PPP6R3: variants seen among roughly 807,000 people sequenced by gnomAD.
The protein encoded by PPP6R3 is serine/threonine-protein phosphatase 6 regulatory subunit 3.
A neutral mutation model predicts 110.7 loss-of-function variants in PPP6R3; 38 were observed. The observed-to-expected ratio is 0.34, with a 90% CI of 0.26 to 0.45. The LOEUF (loss-of-function observed/expected upper bound fraction) is 0.45. Ranked by LOEUF, PPP6R3 falls within the 20% of genes least tolerant of loss-of-function variation. PPP6R3 has a pLI of 1.00. For missense variants in PPP6R3, 870 were observed against 1,062.4 expected (o/e 0.82, Z 2.52); for synonymous variants, 369 against 373.5 (o/e 0.99, Z 0.14).
intron 6 of PPP6R3, among the ~76,000 whole-genome samples, chr11:68,552,961 C>T (rs1360788988): frequency 6.6e-6 from 1 of 152,200 alleles, no homozygotes; most frequent in Non-Finnish European, 1.5e-5. Flanking sequence ...TTGGACAGTC[C>T]TGTTGACACT....
chr11:68,606,576 A>C, intron 22 of PPP6R3, among the ~76,000 whole-genome samples: 1 of 149,858 alleles, frequency 6.7e-6, no homozygotes, highest in Non-Finnish European at 1.5e-5. Flanking sequence ...TCCACCTCCC[A>C]AAGTGCTGGG....
chr11:68,501,093 C>A (rs2153479749), intron 1 of PPP6R3, among the ~76,000 whole-genome samples: 1 of 152,246 alleles, frequency 6.6e-6, no homozygotes, highest in South Asian at 2.1e-4. Flanking sequence ...TGTTTATTGT[C>A]TACTTGTTTT....
chr11:68,569,751 A>G lies in PPP6R3; in HGVS notation c.1132A>G (p.Met378Val). 3 of 1,572,978 alleles carry G rather than the reference A, an allele frequency of 1.9e-6. No homozygotes were observed. Among genetic ancestry groups the G allele is most frequent in the East Asian group, 2.3e-5 (1 of 43,940 alleles). The change falls in exon 11 of 24, where the codon ATG becomes GTG. Residue 378 changes from methionine to valine, a missense_variant. Met to Val is a conservative substitution (Grantham distance 21). Coordinates refer to ENST00000393800, the MANE Select transcript of PPP6R3 (RefSeq NM_001164161.2). ...ELNSIGVILN[M>V]FFKYTWNNFL... ...ACATGGTTTTTCTTTTTTGTAGAAC[A>G]TGTTCTTCAAGTATACATGGAATAA...
chr11:68,554,522 A>G (rs2099392219), intron 7 of PPP6R3, among the ~76,000 whole-genome samples: 1 of 152,236 alleles, frequency 6.6e-6, no homozygotes. Context: ...AAGATGTGGT[A>G]GTCATTTAGA....
chr11:68,498,646 T>C (rs769700896), intron 1 of PPP6R3, among the ~76,000 whole-genome samples: 4 of 152,234 alleles, frequency 2.6e-5, no homozygotes, highest in Non-Finnish European at 5.9e-5. Flanking sequence ...TTTGTAAAAT[T>C]ACTGAAGTCA....
Position 68,583,079 on chromosome 11 carries a change from GA to G in PPP6R3, c.1585del (p.Ile529LeufsTer26). ...TCHIHSSSDD[E>X]IDFKETGFSQ... is the part of the protein sequence containing the mutation. ...CCATATTCATTCATCCAGTGATGAT[GA>G]AATTGACTTTAAAGAAACGGGTTTC... On this transcript the variant is annotated frameshift_variant, in exon 15 of 24. Transcript: ENST00000393800. LOFTEE classifies it high-confidence loss of function. 1 of 1,547,358 alleles carries G rather than the reference GA, an allele frequency of 6.5e-7. No individual in the cohort carries two copies. Among genetic ancestry groups the G allele is most frequent in the Non-Finnish European group, 8.7e-7 (1 of 1,143,870 alleles).
At chr11:68,574,765 A>G (rs2099523945) in intron 13 of PPP6R3, among the ~76,000 whole-genome samples, 2 of 152,226 alleles carry the variant, frequency 1.3e-5, no homozygotes, top group African/African-American at 4.8e-5. Context: ...GGAAGAAACT[A>G]TATGGATGCT....
chr11:68,606,270 T>G (rs1939739333), intron 22 of PPP6R3, among the ~76,000 whole-genome samples: 1 of 152,022 alleles, frequency 6.6e-6, no homozygotes, highest in Non-Finnish European at 1.5e-5. Flanking sequence ...AGTGAATTTA[T>G]TTTTCTTCTT....
At chr11:68,473,601 C>T (rs933865719) in intron 1 of PPP6R3, among the ~76,000 whole-genome samples, 1 of 152,166 alleles carries the variant, frequency 6.6e-6, no homozygotes, top group African/African-American at 2.4e-5. Flanking sequence ...TGATTGGCGT[C>T]AGAAGTCGAG....
At chr11:68,612,889 C>A in intron 23 of PPP6R3, 177 bp from the exon 24 acceptor site, 1 of 1,282,090 alleles carries the variant, frequency 7.8e-7, no homozygotes, top group Non-Finnish European at 1.0e-6. Context: ...GATGCACTCA[C>A]TCAGATTTTT....
At chr11:68,533,788 C>A (rs913195937) in intron 2 of PPP6R3, among the ~76,000 whole-genome samples, 1 of 148,608 alleles carries the variant, frequency 6.7e-6, no homozygotes, top group Non-Finnish European at 1.5e-5. Flanking sequence ...GTGTTTAAAT[C>A]TCAAGTTTAA....
intron 2 of PPP6R3, among the ~76,000 whole-genome samples, chr11:68,528,992 G>A (rs1352029182): frequency 6.6e-6 from 1 of 152,202 alleles, no homozygotes; most frequent in Non-Finnish European, 1.5e-5. Flanking sequence ...CTCGGCCAGA[G>A]GTTCGGTGTA....
chr11:68,523,795 A>G (rs1284202117), intron 2 of PPP6R3, among the ~76,000 whole-genome samples: 1 of 133,428 alleles, frequency 7.5e-6, no homozygotes, highest in Non-Finnish European at 1.5e-5. Flanking sequence ...TTATTTGAAT[A>G]TTGGACTTCC....
chr11:68,510,834 G>C lies in PPP6R3; in HGVS notation c.-157-8667G>C, dbSNP rs886779109. On this transcript the variant is annotated intron_variant, in intron 1 of 23. Coordinates refer to ENST00000393800, the MANE Select transcript of PPP6R3 (RefSeq NM_001164161.2). Reference sequence around the variant, plus strand: ...ATTTACCTCCATATGTCTGAAGACTGTATTTGAAGGGTTCATACTTGTGTG... The same window carrying C: ...ATTTACCTCCATATGTCTGAAGACTCTATTTGAAGGGTTCATACTTGTGTG... Among the ~76,000 whole-genome samples the C allele has an allele frequency of 3.3e-5, 5 of 152,200 alleles. No individual in the cohort carries two copies. In the East Asian group the frequency reaches 9.7e-4, roughly 29 times the overall value.
intron 8 of PPP6R3, 59 bp downstream of exon 8, chr11:68,558,738 G>A: frequency 7.5e-7 from 1 of 1,334,300 alleles, no homozygotes; most frequent in Non-Finnish European, 1.1e-6. Context: ...AGATTTAAGA[G>A]TTAAATTCTT....
Position 68,613,075 on chromosome 11 carries a change from A to G in PPP6R3, c.2580A>G (p.Gln860=), listed in dbSNP as rs778455095. 4 of 1,614,120 alleles carry G rather than the reference A, an allele frequency of 2.5e-6. No homozygotes were observed. Among genetic ancestry groups the G allele is most frequent in the East Asian group, 2.2e-5 (1 of 44,876 alleles). ...GTCTGTTGCTCCTTAGGACTGGCCA[A>G]CCAAGCGCACCAGGTGACACTTCAG... is the stretch of plus-strand genomic sequence containing the variant. ...PSSSPEQRTG[Q]PSAPGDTSVN... The change falls in exon 24 of 24, where the codon CAA becomes CAG. Residue 860 remains glutamine, a synonymous_variant. Coordinates refer to ENST00000393800, the MANE Select transcript of PPP6R3 (RefSeq NM_001164161.2).
intron 1 of PPP6R3, among the ~76,000 whole-genome samples, chr11:68,472,948 T>A (rs1446281503): frequency 6.6e-6 from 1 of 152,244 alleles, no homozygotes; most frequent in Non-Finnish European, 1.5e-5. Flanking sequence ...TGCTGAATAG[T>A]GTTCAATTGT....
At position 68,571,040 on chromosome 11, in the gene PPP6R3, C is replaced by CT; in HGVS notation, c.1283dup (p.Gln429ProfsTer11). On this transcript the variant is annotated frameshift_variant and splice_region_variant, in exon 12 of 24. Transcript: ENST00000393800. LOFTEE classifies it high-confidence loss of function. ...GGAATATTCTTTTTTTTTTTTTCAGCTTTTCCAAAAATGTCAATTAATAGA... is the reference window on the plus strand; with the variant it reads ...GGAATATTCTTTTTTTTTTTTTCAGCTTTTTCCAAAAATGTCAATTAATAGA... 6.4e-7 allele frequency: 1 copy of CT among 1,559,404 alleles called. No individual in the cohort carries two copies. Among genetic ancestry groups the CT allele is most frequent in the Non-Finnish European group, 8.6e-7 (1 of 1,160,820 alleles).
chr11:68,540,560 G>A (rs1414774199), intron 3 of PPP6R3, among the ~76,000 whole-genome samples: 1 of 152,232 alleles, frequency 6.6e-6, no homozygotes, highest in Middle Eastern at 3.4e-3. Flanking sequence ...CAGGAGACAG[G>A]GTTTTGAGAT....
Sources: gnomAD v4.1 joint callset for allele counts (sites outside exome capture counted in the v4.1 genomes callset) on GRCh38, gnomAD v4.1.1 for gene constraint, MANE v1.5 for transcripts, NCBI Gene and HGNC (gene_info 2026-07-23, HGNC 2026-07-21) for gene names.